EXTL3: variants seen among roughly 807,000 people sequenced by gnomAD.
The protein encoded by EXTL3 is exostosin-like 3.
EXTL3 carries 27 observed loss-of-function variants against 69.3 expected under a neutral mutation model. The ratio of observed to expected loss-of-function variants is 0.39; its 90% CI spans 0.29 to 0.54. The LOEUF is 0.54. EXTL3 is among the 20% of genes least tolerant of loss of function. EXTL3 has a pLI of 0.69. For synonymous variants in EXTL3, 511 were observed against 499.4 expected (o/e 1.02, Z -0.31); for missense variants, 1,003 against 1,231.8 (o/e 0.81, Z 2.78).
intron 1 of EXTL3, among the ~76,000 whole-genome samples, chr8:28,639,900 C>G (rs1008725163): frequency 1.3e-5 from 2 of 152,202 alleles, no homozygotes; most frequent in African/African-American, 4.8e-5. Context: ...GTCAGGAGTT[C>G]TAGACCAGCC....
At position 28,731,568 on chromosome 8, in the gene EXTL3, T is replaced by C. The variant is rs532180963; in HGVS notation, c.2276+218T>C. ...GCTCTGTGTTCCCACAGGCCTTTCCTCTGTGGCCAGGAAGGTGGAATTCTT... is the reference window on the plus strand; with the variant it reads ...GCTCTGTGTTCCCACAGGCCTTTCCCCTGTGGCCAGGAAGGTGGAATTCTT... On this transcript the variant is annotated intron_variant, in intron 4 of 6. Transcript: ENST00000220562. Among the ~76,000 whole-genome samples the C allele has an allele frequency of 2.0e-5, 3 of 152,320 alleles. No homozygotes were observed. The East Asian group carries it at 5.8e-4, about 29-fold the overall frequency.
Position 28,701,539 on chromosome 8 carries a change from G to A in EXTL3, c.-690G>A, listed in dbSNP as rs1188833175. ...TCGGAAATGGCTGCCGGCCGGCAGGGGGAGCGGCGGATCAGGCGCGGCCTG... is the reference window on the plus strand; with the variant it reads ...TCGGAAATGGCTGCCGGCCGGCAGGAGGAGCGGCGGATCAGGCGCGGCCTG... On this transcript the variant is annotated 5_prime_UTR_variant, in exon 1 of 7. Coordinates refer to ENST00000220562, the MANE Select transcript of EXTL3 (RefSeq NM_001440.4). 1 of 152,732 alleles carries A rather than the reference G, an allele frequency of 6.5e-6. No individual in the cohort carries two copies. Among genetic ancestry groups the A allele is most frequent in the Non-Finnish European group, 1.5e-5 (1 of 67,980 alleles). The allele number at this position is 152,732 out of a possible 1,614,324, so 9.5% of individuals were successfully genotyped here.
intron 5 of EXTL3, chr8:28,741,607 C>T (rs1801782719): frequency 1.3e-5 from 2 of 152,098 alleles, no homozygotes; most frequent in Admixed American, 6.6e-5. Flanking sequence ...CATGCCACTA[C>T]ATCTGGCCAA....
intron 1 of EXTL3, among the ~76,000 whole-genome samples, chr8:28,639,801 G>A (rs1378744655): frequency 1.3e-5 from 2 of 152,148 alleles, no homozygotes; most frequent in Non-Finnish European, 2.9e-5. Context: ...ACCCTTTCTT[G>A]TAATTGCTTG....
At chr8:28,655,294 AAG>A (rs763919569) in intron 1 of EXTL3, among the ~76,000 whole-genome samples, 7 of 152,112 alleles carry the variant, frequency 4.6e-5, no homozygotes, top group Non-Finnish European at 1.0e-4. Context: ...AAAAAGAAGA[AAG>A]AAAAAAAATT....
At chr8:28,679,836 T>C (rs1807453351) in intron 1 of EXTL3, among the ~76,000 whole-genome samples, 1 of 152,172 alleles carries the variant, frequency 6.6e-6, no homozygotes, top group East Asian at 1.9e-4. Context: ...TGCCCTGAAT[T>C]AGGATACTTG....
intron 1 of EXTL3, among the ~76,000 whole-genome samples, chr8:28,646,897 G>T (rs140476431): frequency 6.6e-6 from 1 of 152,128 alleles, no homozygotes; most frequent in Non-Finnish European, 1.5e-5. Context: ...ACAGCTAAGT[G>T]CCAAGTACTG....
chr8:28,703,492 A>G (rs1297779931), intron 1 of EXTL3, among the ~76,000 whole-genome samples: 1 of 152,162 alleles, frequency 6.6e-6, no homozygotes, highest in East Asian at 1.9e-4. Flanking sequence ...TGAAGCCAGC[A>G]GAAGACTAGA....
intron 1 of EXTL3, among the ~76,000 whole-genome samples, chr8:28,635,037 C>A (rs553793361): frequency 6.6e-6 from 1 of 152,084 alleles, no homozygotes; most frequent in East Asian, 1.9e-4. Flanking sequence ...ACCATGGTAA[C>A]CTGGAGTGTG....
At chr8:28,643,563 C>T (rs529499156) in intron 1 of EXTL3, among the ~76,000 whole-genome samples, 9 of 151,816 alleles carry the variant, frequency 5.9e-5, no homozygotes, top group East Asian at 3.9e-4. Context: ...TACAGGCGCC[C>T]GCTACCACAC....
At chr8:28,618,460 G>C (rs142471864), upstream of EXTL3, among the ~76,000 whole-genome samples, 57 of 152,290 alleles carry the variant, frequency 3.7e-4, no homozygotes, top group East Asian at 9.6e-3. Flanking sequence ...AGCTCGTTGG[G>C]AAATGGGAAC....
At chr8:28,687,295 G>C (rs887954548) in intron 1 of EXTL3, among the ~76,000 whole-genome samples, 1 of 152,084 alleles carries the variant, frequency 6.6e-6, no homozygotes, top group Non-Finnish European at 1.5e-5. Flanking sequence ...GTGAAACCTC[G>C]CCTCTACTTA....
At chr8:28,633,797 T>C (rs1806610785) in intron 1 of EXTL3, among the ~76,000 whole-genome samples, 1 of 152,162 alleles carries the variant, frequency 6.6e-6, no homozygotes, top group African/African-American at 2.4e-5. Context: ...CTTCAGTGGC[T>C]GTGATGGAGA....
intron 2 of EXTL3, among the ~76,000 whole-genome samples, chr8:28,610,984 CCAT>C (rs1806265012): frequency 6.6e-6 from 1 of 152,178 alleles, no homozygotes; most frequent in African/African-American, 2.4e-5. Flanking sequence ...CTCAAGTGAT[CCAT>C]CCACCTCGGC....
chr8:28,728,563 T>TCA (rs1801462404), intron 3 of EXTL3, among the ~76,000 whole-genome samples: 1 of 152,166 alleles, frequency 6.6e-6, no homozygotes, highest in African/African-American at 2.4e-5. Context: ...GGGCAGGACC[T>TCA]CCTCTGGGGC....
chr8:28,744,440 T>C (rs10103207), intron 6 of EXTL3, among the ~76,000 whole-genome samples: 4,408 of 152,042 alleles, frequency 0.029, 219 homozygotes, highest in African/African-American at 0.1. Context: ...GGCGGATCAC[T>C]TGAGGTCAGG....
chr8:28,715,333 A>T (rs1448790982), intron 2 of EXTL3, among the ~76,000 whole-genome samples: 1 of 152,192 alleles, frequency 6.6e-6, no homozygotes, highest in African/African-American at 2.4e-5. Context: ...CTCTAGATCC[A>T]GTTAAATAAG....
chr8:28,674,643 G>C (rs989336494), intron 1 of EXTL3, among the ~76,000 whole-genome samples: 1 of 152,212 alleles, frequency 6.6e-6, no homozygotes, highest in African/African-American at 2.4e-5. Context: ...CAGCTTTGCA[G>C]GCTATGTGCA....
At chr8:28,637,413 T>G (rs1806674041) in intron 1 of EXTL3, 1 of 152,328 alleles carries the variant, frequency 6.6e-6, no homozygotes, top group Admixed American at 6.5e-5. Context: ...TTCCTGCTGC[T>G]GCCCAGGTGC....
Sources: allele counts gnomAD v4.1 joint callset (sites outside exome capture counted in the v4.1 genomes callset), GRCh38; gene constraint gnomAD v4.1.1; transcripts MANE v1.5; gene names NCBI Gene and HGNC (gene_info 2026-07-23, HGNC 2026-07-21).